TMEM117: variants seen among roughly 807,000 people sequenced by gnomAD.
The protein encoded by TMEM117 is transmembrane protein 117.
TMEM117 carries 27 observed loss-of-function variants against 52.4 expected under a neutral mutation model. The observed-to-expected ratio is 0.51, with a 90% CI of 0.38 to 0.71. TMEM117 has a LOEUF of 0.71. Among genes scored for constraint, TMEM117 ranks in the 30% least tolerant of loss-of-function variants. TMEM117 has a pLI of 0.00. For synonymous variants in TMEM117, 215 were observed against 206.3 expected (o/e 1.04, Z -0.36); for missense variants, 556 against 630.5 (o/e 0.88, Z 1.26).
chr12:44,190,434 G>T (rs941648876), intron 4 of TMEM117, among the ~76,000 whole-genome samples: 1 of 152,138 alleles, frequency 6.6e-6, no homozygotes, highest in African/African-American at 2.4e-5. Context: ...ATGCCCTGGG[G>T]TGAGGCTCGG....
At chr12:44,306,143 G>A (rs993986125) in intron 6 of TMEM117, among the ~76,000 whole-genome samples, 2 of 152,024 alleles carry the variant, frequency 1.3e-5, no homozygotes, top group South Asian at 2.1e-4. Context: ...AAGGGAAGAG[G>A]GGAATGGACC....
At chr12:43,920,586 T>C (rs1944677489) in intron 2 of TMEM117, among the ~76,000 whole-genome samples, 1 of 148,654 alleles carries the variant, frequency 6.7e-6, no homozygotes, top group Non-Finnish European at 1.5e-5. Flanking sequence ...GATCTCACTA[T>C]TTTGCCCAGG....
At chr12:44,253,635 G>A (rs1057498889) in intron 5 of TMEM117, among the ~76,000 whole-genome samples, 13 of 151,986 alleles carry the variant, frequency 8.6e-5, no homozygotes, top group African/African-American at 2.7e-4. Flanking sequence ...TGCTCTCTAG[G>A]TTCCTTGTGT....
intron 2 of TMEM117, among the ~76,000 whole-genome samples, chr12:43,849,568 C>T (rs138517562): frequency 0.014 from 2,071 of 151,946 alleles, 35 homozygotes; most frequent in African/African-American, 0.048. Context: ...AAAGCACTTT[C>T]GATTTCAAGT....
At chr12:44,324,942 GT>G (rs1951176883) in intron 6 of TMEM117, among the ~76,000 whole-genome samples, 1 of 152,118 alleles carries the variant, frequency 6.6e-6, no homozygotes, top group Non-Finnish European at 1.5e-5. Context: ...GGAATTGTTG[GT>G]TGAACATTAT....
intron 6 of TMEM117, among the ~76,000 whole-genome samples, chr12:44,326,251 A>G (rs994748392): frequency 1.3e-5 from 2 of 152,188 alleles, no homozygotes. Context: ...AGAAAGCCCA[A>G]ATATGTTATT....
intron 2 of TMEM117, among the ~76,000 whole-genome samples, chr12:43,877,824 A>T (rs1292570211): frequency 6.6e-6 from 1 of 151,882 alleles, no homozygotes; most frequent in African/African-American, 2.4e-5. Flanking sequence ...AATGCCCATG[A>T]TACTAAGTGA....
At chr12:44,158,791 T>C (rs1370498106) in intron 4 of TMEM117, among the ~76,000 whole-genome samples, 1 of 152,124 alleles carries the variant, frequency 6.6e-6, no homozygotes, top group Non-Finnish European at 1.5e-5. Context: ...CCTGAAAAAG[T>C]CAATTACAAA....
rs1592677677 is a variant in TMEM117 at position 44,301,939 on chromosome 12, T to C, written c.768+2200T>C. ...GAGAGGTTGGGCTATAACTCCAAATTAGTAGGTTTCTAATATAAAGATGAG... is the reference window on the plus strand; with the variant it reads ...GAGAGGTTGGGCTATAACTCCAAATCAGTAGGTTTCTAATATAAAGATGAG... On this transcript the variant is annotated intron_variant, in intron 6 of 7. Transcript: ENST00000266534. Among the ~76,000 whole-genome samples, 3 of 152,184 alleles carry C rather than the reference T, an allele frequency of 2.0e-5. No homozygotes were observed. The South Asian group carries it at 6.2e-4, about 32-fold the overall frequency.
intron 6 of TMEM117, among the ~76,000 whole-genome samples, chr12:44,353,937 T>C (rs1951604981): frequency 6.6e-6 from 1 of 152,204 alleles, no homozygotes; most frequent in Non-Finnish European, 1.5e-5. Context: ...GAGCATGGAA[T>C]GTTCTTCTAT....
intron 6 of TMEM117, among the ~76,000 whole-genome samples, chr12:44,300,691 G>A (rs1186174432): frequency 6.6e-6 from 1 of 152,094 alleles, no homozygotes; most frequent in Non-Finnish European, 1.5e-5. Context: ...GTTCAAGATG[G>A]TTCTTTGAGT....
At chr12:44,358,696 A>T (rs1267818233) in intron 6 of TMEM117, among the ~76,000 whole-genome samples, 1 of 152,154 alleles carries the variant, frequency 6.6e-6, no homozygotes, top group Non-Finnish European at 1.5e-5. Flanking sequence ...ACATACTATG[A>T]TTTTTTTAAA....
chr12:43,841,972 A>G (rs1172187694), intron 1 of TMEM117, among the ~76,000 whole-genome samples: 2 of 152,228 alleles, frequency 1.3e-5, no homozygotes, highest in Admixed American at 6.5e-5. Flanking sequence ...GCAGCCTGTA[A>G]TAACAGCTTC....
intron 4 of TMEM117, among the ~76,000 whole-genome samples, chr12:44,183,160 G>A (rs1949229236): frequency 6.6e-6 from 1 of 152,014 alleles, no homozygotes; most frequent in African/African-American, 2.4e-5. Context: ...AAATTTTGGT[G>A]TATTTCTAAT....
intron 3 of TMEM117, among the ~76,000 whole-genome samples, chr12:44,074,871 T>G (rs1947356959): frequency 6.6e-6 from 1 of 152,192 alleles, no homozygotes. Flanking sequence ...CTAGCATCTC[T>G]TGCTTCGTGG....
rs1009447899 is a variant in TMEM117, at chr12:44,327,068, T to G, written c.768+27329T>G. 2.6e-5 allele frequency among the ~76,000 whole-genome samples: 4 copies of G among 152,174 alleles called. No homozygotes were observed. In the East Asian group the frequency reaches 7.7e-4, roughly 29 times the overall value. On this transcript the variant is annotated intron_variant, in intron 6 of 7. Coordinates refer to ENST00000266534, the MANE Select transcript of TMEM117 (RefSeq NM_032256.3). ...TTATATTTGTATATATTTACCTATA[T>G]TTTTATGTATTTAATATTTATTGGC...
At chr12:43,867,411 A>C (rs2137417350) in intron 2 of TMEM117, among the ~76,000 whole-genome samples, 1 of 152,340 alleles carries the variant, frequency 6.6e-6, no homozygotes, top group African/African-American at 2.4e-5. Context: ...GAAGGCAGGA[A>C]AAGAGGAGCA....
chr12:44,167,983 C>T (rs781320663), intron 4 of TMEM117, among the ~76,000 whole-genome samples: 39 of 152,182 alleles, frequency 2.6e-4, no homozygotes, highest in African/African-American at 7.9e-4. Flanking sequence ...TGGCCAGGCG[C>T]GGTGGCTCAC....
chr12:43,839,827 A>G (rs907953200), intron 1 of TMEM117, among the ~76,000 whole-genome samples: 6 of 152,264 alleles, frequency 3.9e-5, no homozygotes, highest in Admixed American at 3.3e-4. Flanking sequence ...GGAATTAACA[A>G]ATCTGTACAT....
Sources: allele counts gnomAD v4.1 joint callset (sites outside exome capture counted in the v4.1 genomes callset), GRCh38; gene constraint gnomAD v4.1.1; transcripts MANE v1.5; gene names NCBI Gene and HGNC (gene_info 2026-07-23, HGNC 2026-07-21).